The following SUGCT variants were observed in gnomAD, a reference collection of about 807,000 sequenced individuals.
SUGCT encodes succinyl-CoA:glutarate-CoA transferase, also known as succinyl-CoA:glutarate CoA-transferase.
Under a neutral mutation model 55.0 loss-of-function variants are expected in SUGCT, and 41 were observed. The ratio of observed to expected loss-of-function variants is 0.74; its 90% CI spans 0.58 to 0.97. SUGCT has a LOEUF of 0.97. Among genes scored for constraint, SUGCT ranks in the 50% least tolerant of loss-of-function variants. The pLI is 0.00. For missense variants in SUGCT, 568 were observed against 547.8 expected (o/e 1.04, Z -0.37); for synonymous variants, 187 against 200.4 (o/e 0.93, Z 0.56).
chr7:40,906,686 C>T, the SUGCT span, among the ~76,000 whole-genome samples: 1 of 152,044 alleles, frequency 6.6e-6, no homozygotes, highest in Admixed American at 6.6e-5. Flanking sequence ...AAATACTAAG[C>T]CGTTTTATAT....
chr7:40,786,878 A>G (rs1402643066), intron 13 of SUGCT, among the ~76,000 whole-genome samples: 2 of 152,216 alleles, frequency 1.3e-5, no homozygotes, highest in Admixed American at 6.5e-5. Flanking sequence ...GCAGTTATTT[A>G]CTAATTAATA....
At chr7:40,898,481 G>GGC in the SUGCT span, among the ~76,000 whole-genome samples, 1 of 100,258 alleles carries the variant, frequency 1.0e-5, no homozygotes, top group East Asian at 4.1e-4. Context: ...CCGGGAGGTC[G>GGC]GGGGGGGGGG....
chr7:40,184,670 G>C (rs149070590), intron 3 of SUGCT, among the ~76,000 whole-genome samples: 1 of 152,026 alleles, frequency 6.6e-6, no homozygotes, highest in East Asian at 1.9e-4. Flanking sequence ...TCAAAAATTA[G>C]CATTATTATT....
chr7:40,957,726 G>C, the SUGCT span, among the ~76,000 whole-genome samples: 1 of 151,874 alleles, frequency 6.6e-6, no homozygotes, highest in South Asian at 2.1e-4. Flanking sequence ...TGGTTATTTT[G>C]CCTGTTAGTT....
chr7:40,913,378 A>G, the SUGCT span, among the ~76,000 whole-genome samples: 3 of 152,160 alleles, frequency 2.0e-5, no homozygotes, highest in East Asian at 5.8e-4. Flanking sequence ...TCTTAAAACT[A>G]AGAACATCAC....
chr7:40,612,980 A>G (rs1358119889), intron 12 of SUGCT, among the ~76,000 whole-genome samples: 4 of 152,112 alleles, frequency 2.6e-5, no homozygotes, highest in African/African-American at 9.7e-5. Flanking sequence ...TAAAAATACA[A>G]AAATTAGCTG....
chr7:40,563,762 GA>G (rs1026495595), intron 12 of SUGCT, among the ~76,000 whole-genome samples: 9 of 151,640 alleles, frequency 5.9e-5, no homozygotes, highest in East Asian at 3.9e-4. Flanking sequence ...AAAAGGGGGG[GA>G]AAGCCTCTTA....
intron 11 of SUGCT, among the ~76,000 whole-genome samples, chr7:40,472,236 G>A (rs1391093227): frequency 1.3e-5 from 2 of 152,052 alleles, no homozygotes; most frequent in Admixed American, 6.5e-5. Flanking sequence ...ACAATGATAA[G>A]TACACAATTG....
intron 13 of SUGCT, 93 bp from the exon 14 acceptor site, chr7:40,860,223 T>C: frequency 2.1e-6 from 3 of 1,451,700 alleles, no homozygotes; most frequent in Non-Finnish European, 2.9e-6. Flanking sequence ...TTGATATTTT[T>C]GGCATTCATG....
chr7:40,248,951 C>G (rs909599236), intron 7 of SUGCT, among the ~76,000 whole-genome samples: 2 of 151,956 alleles, frequency 1.3e-5, no homozygotes, highest in African/African-American at 4.8e-5. Context: ...CTCTCTCTCT[C>G]TCACTCTCTC....
the SUGCT span, among the ~76,000 whole-genome samples, chr7:40,924,946 T>A: frequency 6.6e-6 from 1 of 152,238 alleles, no homozygotes; most frequent in Admixed American, 6.5e-5. Context: ...AATATCATGA[T>A]GTATTCATTC....
At chr7:40,279,880 T>A (rs937024057) in intron 8 of SUGCT, among the ~76,000 whole-genome samples, 2 of 152,302 alleles carry the variant, frequency 1.3e-5, no homozygotes, top group South Asian at 4.1e-4. Context: ...TTAATATAAA[T>A]GTTCACCTGC....
the SUGCT span, among the ~76,000 whole-genome samples, chr7:40,878,854 C>T: frequency 4.0e-5 from 6 of 149,810 alleles, no homozygotes; most frequent in South Asian, 6.4e-4. Context: ...AATGCAGTGG[C>T]GCAATATTGG....
At chr7:40,956,016 T>C in the SUGCT span, among the ~76,000 whole-genome samples, 1 of 152,224 alleles carries the variant, frequency 6.6e-6, no homozygotes. Flanking sequence ...AATGTGCTGC[T>C]GGATTCGGTT....
At chr7:40,233,259 G>A (rs1490326023) in intron 6 of SUGCT, among the ~76,000 whole-genome samples, 3 of 151,668 alleles carry the variant, frequency 2.0e-5, no homozygotes, top group Non-Finnish European at 2.9e-5. Context: ...TTGCCCTGTC[G>A]CCCAGGCTGG....
At chr7:40,304,203 C>T (rs1562663123) in intron 8 of SUGCT, among the ~76,000 whole-genome samples, 1 of 152,030 alleles carries the variant, frequency 6.6e-6, no homozygotes, top group African/African-American at 2.4e-5. Context: ...AAGCCCTTCC[C>T]AGAATGAATC....
At chr7:40,589,548 C>A (rs2151730008) in intron 12 of SUGCT, among the ~76,000 whole-genome samples, 1 of 152,228 alleles carries the variant, frequency 6.6e-6, no homozygotes, top group Admixed American at 6.5e-5. Context: ...GAAGGCAGAG[C>A]CCTCAATATG....
At chr7:41,001,853 C>A in the SUGCT span, among the ~76,000 whole-genome samples, 1 of 152,152 alleles carries the variant, frequency 6.6e-6, no homozygotes, top group Admixed American at 6.6e-5. Flanking sequence ...ATGTAGCCTC[C>A]AGGCAAGAAT....
chr7:40,246,646 G>C (rs147351191), intron 7 of SUGCT, among the ~76,000 whole-genome samples: 10 of 150,730 alleles, frequency 6.6e-5, no homozygotes, highest in Non-Finnish European at 1.2e-4. Context: ...GCCCAGACTG[G>C]AGTGCAGTGG....
Sources: gnomAD v4.1 joint callset for allele counts (sites outside exome capture counted in the v4.1 genomes callset) on GRCh38, gnomAD v4.1.1 for gene constraint, MANE v1.5 for transcripts, NCBI Gene and HGNC (gene_info 2026-07-23, HGNC 2026-07-21) for gene names.